Variants in PIK3CB observed in about 807,000 individuals in gnomAD.
PIK3CB encodes the protein phosphatidylinositol 4,5-bisphosphate 3-kinase catalytic subunit beta isoform.
In PIK3CB, 39 loss-of-function variants were observed where a neutral mutation model predicts 136.8. That is an observed-to-expected ratio of 0.29 (90% CI 0.22 to 0.37). The LOEUF (loss-of-function observed/expected upper bound fraction) is 0.37. Among genes scored for constraint, PIK3CB ranks in the 10% least tolerant of loss-of-function variants. The pLI is 1.00. For missense variants in PIK3CB, 868 were observed against 1,275.4 expected (o/e 0.68, Z 4.87); for synonymous variants, 428 against 436.6 (o/e 0.98, Z 0.25).
At chr3:138,833,690 T>G (rs1033083117) in intron 1 of PIK3CB, among the ~76,000 whole-genome samples, 1 of 152,206 alleles carries the variant, frequency 6.6e-6, no homozygotes, top group Non-Finnish European at 1.5e-5. Flanking sequence ...TCCCTTTGGA[T>G]GTAGCAATGC....
At chr3:138,783,630 C>G (rs142878949) in intron 2 of PIK3CB, among the ~76,000 whole-genome samples, 5 of 152,008 alleles carry the variant, frequency 3.3e-5, no homozygotes, top group Admixed American at 3.3e-4. Flanking sequence ...ATTAGCTAGG[C>G]AGGCAAGGAA....
At chr3:138,700,868 G>C (rs1302586530) in intron 12 of PIK3CB, among the ~76,000 whole-genome samples, 1 of 152,176 alleles carries the variant, frequency 6.6e-6, no homozygotes, top group Non-Finnish European at 1.5e-5. Flanking sequence ...AGATGTATTA[G>C]TGAATGCAAA....
intron 1 of PIK3CB, among the ~76,000 whole-genome samples, chr3:138,821,281 T>TAA (rs1344947002): frequency 1.0e-5 from 1 of 96,594 alleles, no homozygotes; most frequent in Non-Finnish European, 2.2e-5. Context: ...AGACTCCGTC[T>TAA]CAAAAAAAAA....
intron 1 of PIK3CB, among the ~76,000 whole-genome samples, chr3:138,808,393 G>A (rs2046256898): frequency 6.6e-6 from 1 of 152,094 alleles, no homozygotes; most frequent in Non-Finnish European, 1.5e-5. Flanking sequence ...CACTTTGGGA[G>A]GCCAAGGCAG....
intron 8 of PIK3CB, among the ~76,000 whole-genome samples, chr3:138,719,332 A>G (rs756056364): frequency 2.2e-5 from 3 of 135,352 alleles, no homozygotes; most frequent in Non-Finnish European, 4.5e-5. Context: ...TGCAACATCC[A>G]TCTCCCGGGT....
intron 9 of PIK3CB, among the ~76,000 whole-genome samples, chr3:138,712,611 C>G (rs1235364827): frequency 6.6e-6 from 1 of 151,222 alleles, no homozygotes; most frequent in Non-Finnish European, 1.5e-5. Flanking sequence ...CTCTGTCACC[C>G]AGGCTGGAGT....
At chr3:138,806,162 T>C (rs1406834210) in intron 1 of PIK3CB, among the ~76,000 whole-genome samples, 1 of 152,160 alleles carries the variant, frequency 6.6e-6, no homozygotes, top group African/African-American at 2.4e-5. Flanking sequence ...CAGTGGTTTA[T>C]TTATTAAATC....
chr3:138,785,036 C>T (rs1032539624), intron 2 of PIK3CB, among the ~76,000 whole-genome samples: 1 of 151,510 alleles, frequency 6.6e-6, no homozygotes, highest in Non-Finnish European at 1.5e-5. Context: ...CCCTCCGCCC[C>T]GCAGCCGCCC....
intron 8 of PIK3CB, among the ~76,000 whole-genome samples, chr3:138,724,522 T>C (rs2044796695): frequency 6.6e-6 from 1 of 152,080 alleles, no homozygotes; most frequent in African/African-American, 2.4e-5. Context: ...CTGTCCTCCC[T>C]CCCCACTCCA....
In PIK3CB at chr3:138,734,256, CT is replaced by C. The variant is rs538008912; in HGVS notation, c.972+377del. 6.0e-4 allele frequency among the ~76,000 whole-genome samples: 92 copies of C among 152,202 alleles called. 1 individual carries two copies. The East Asian group carries it at 0.011, about 19-fold the overall frequency. On this transcript the variant is annotated intron_variant, in intron 7 of 23. Transcript: ENST00000674063. ...AGGCAGGCAAATTATACCAAAAATA[CT>C]ACCATAGTTAAGCTGATAGAAATGA...
intron 2 of PIK3CB, chr3:138,778,119 T>C (rs2045881558): frequency 2.6e-6 from 1 of 388,044 alleles, no homozygotes; most frequent in East Asian, 7.7e-5. Context: ...TGGAGACCAC[T>C]GGCATCTTCA....
At chr3:138,754,442 C>T (rs1306933842) in intron 4 of PIK3CB, among the ~76,000 whole-genome samples, 1 of 151,274 alleles carries the variant, frequency 6.6e-6, no homozygotes, top group African/African-American at 2.4e-5. Context: ...ACCTTGTCAC[C>T]AAAAAAACAA....
At chr3:138,784,578 C>T (rs1172673340) in intron 2 of PIK3CB, among the ~76,000 whole-genome samples, 1 of 152,152 alleles carries the variant, frequency 6.6e-6, no homozygotes, top group Admixed American at 6.5e-5. Flanking sequence ...TGCAGGCGCG[C>T]GCCGCCACGC....
intron 2 of PIK3CB, among the ~76,000 whole-genome samples, chr3:138,790,528 G>C (rs2046036027): frequency 1.3e-5 from 2 of 151,162 alleles, no homozygotes; most frequent in Admixed American, 6.6e-5. Flanking sequence ...CCTGAGACCG[G>C]GCACGGTGGC....
chr3:138,771,854 G>A (rs1005326784), intron 2 of PIK3CB, among the ~76,000 whole-genome samples: 5 of 151,324 alleles, frequency 3.3e-5, no homozygotes, highest in Middle Eastern at 3.4e-3. Context: ...CACAGAAGGT[G>A]GAGGCTACAG....
At chr3:138,701,651 G>A (rs1194368623) in intron 12 of PIK3CB, among the ~76,000 whole-genome samples, 1 of 151,826 alleles carries the variant, frequency 6.6e-6, no homozygotes, top group African/African-American at 2.4e-5. Context: ...TGGGCATGGT[G>A]GCGCATGCCT....
intron 2 of PIK3CB, among the ~76,000 whole-genome samples, chr3:138,784,460 C>T (rs776820964): frequency 1.3e-5 from 2 of 152,064 alleles, no homozygotes; most frequent in Non-Finnish European, 2.9e-5. Context: ...CCACTTTGCA[C>T]GGTCTCCCTC....
chr3:138,772,862 T>G (rs546268012), intron 2 of PIK3CB, among the ~76,000 whole-genome samples: 39 of 147,936 alleles, frequency 2.6e-4, no homozygotes, highest in African/African-American at 9.2e-4. Context: ...CTTGGCTCAC[T>G]GCAACCTCAG....
intron 14 of PIK3CB, among the ~76,000 whole-genome samples, chr3:138,692,258 A>G (rs2044025782): frequency 6.6e-6 from 1 of 152,242 alleles, no homozygotes; most frequent in South Asian, 2.1e-4. Flanking sequence ...TCTAAGGCAG[A>G]TATCTGGGAC....
Sources: gnomAD v4.1 joint callset for allele counts (sites outside exome capture counted in the v4.1 genomes callset) on GRCh38, gnomAD v4.1.1 for gene constraint, MANE v1.5 for transcripts, NCBI Gene and HGNC (gene_info 2026-07-23, HGNC 2026-07-21) for gene names.